Variants in ADGRB3 observed in about 807,000 individuals in gnomAD.
ADGRB3 encodes the protein brain-specific angiogenesis inhibitor 3.
In ADGRB3, 37 loss-of-function variants were observed where a neutral mutation model predicts 193.4. The ratio of observed to expected loss-of-function variants is 0.19; its 90% CI spans 0.15 to 0.25. The LOEUF (loss-of-function observed/expected upper bound fraction) is 0.25. Ranked by LOEUF, ADGRB3 falls within the 10% of genes least tolerant of loss-of-function variation. The pLI is 1.00. For synonymous variants in ADGRB3, 690 were observed against 644.2 expected, an observed-to-expected ratio of 1.07 and a Z score of -1.08; for missense variants, 1,637 against 1,852.9, an observed-to-expected ratio of 0.88 and a Z score of 2.14.
At chr6:69,250,028 A>G (rs1319082966) in intron 20 of ADGRB3, among the ~76,000 whole-genome samples, 2 of 152,220 alleles carry the variant, frequency 1.3e-5, no homozygotes, top group African/African-American at 4.8e-5. Flanking sequence ...CAGTAAACAC[A>G]TAAGCAGAAG....
At chr6:68,677,521 C>CTTTTTTTTTTTTTTTTTTT (rs1002070733) in intron 3 of ADGRB3, among the ~76,000 whole-genome samples, 24 of 120,324 alleles carry the variant, frequency 2.0e-4, no homozygotes, top group Non-Finnish European at 3.1e-4. Flanking sequence ...TTCTTTTTTT[C>CTTTTTTTTTTTTTTTTTTT]TTTTTTTTTT....
At chr6:69,254,702 T>C (rs2127268769) in intron 20 of ADGRB3, among the ~76,000 whole-genome samples, 1 of 152,002 alleles carries the variant, frequency 6.6e-6, no homozygotes, top group South Asian at 2.1e-4. Context: ...TATTTCTTTT[T>C]TTTTTCTTTT....
chr6:68,854,201 C>T (rs1324749026), intron 3 of ADGRB3, among the ~76,000 whole-genome samples: 1 of 152,120 alleles, frequency 6.6e-6, no homozygotes, highest in African/African-American at 2.4e-5. Context: ...CTCTGCAGTT[C>T]TCTGGCTATG....
At chr6:68,981,590 C>T (rs1768910511) in intron 10 of ADGRB3, among the ~76,000 whole-genome samples, 1 of 151,516 alleles carries the variant, frequency 6.6e-6, no homozygotes, top group Non-Finnish European at 1.5e-5. Context: ...ATAGTAAATA[C>T]TTTAGACTTT....
chr6:69,106,178 A>G (rs1217553551), intron 17 of ADGRB3, among the ~76,000 whole-genome samples: 1 of 149,546 alleles, frequency 6.7e-6, no homozygotes, highest in Non-Finnish European at 1.5e-5. Context: ...AAAAAAAAAA[A>G]AAAAAGAAAA....
intron 13 of ADGRB3, among the ~76,000 whole-genome samples, chr6:69,043,290 G>GAGAGAAAGAAGAAAGAAAGAA (rs1554252049): frequency 1.1e-5 from 1 of 88,032 alleles, no homozygotes; most frequent in Non-Finnish European, 2.3e-5. Flanking sequence ...GGAAGAAAGA[G>GAGAGAAAGAAGAAAGAAAGAA]AGAAAGAAAG....
intron 8 of ADGRB3, among the ~76,000 whole-genome samples, chr6:68,970,204 T>C (rs1768518418): frequency 6.6e-6 from 1 of 152,188 alleles, no homozygotes; most frequent in Admixed American, 6.5e-5. Flanking sequence ...CTCATCATAA[T>C]TGTACTCAAG....
intron 20 of ADGRB3, among the ~76,000 whole-genome samples, chr6:69,265,996 A>G (rs962375749): frequency 3.9e-5 from 6 of 152,062 alleles, no homozygotes; most frequent in Admixed American, 3.3e-4. Flanking sequence ...GAATTCTTTC[A>G]GAAAGTGTAT....
intron 17 of ADGRB3, among the ~76,000 whole-genome samples, chr6:69,102,008 T>G (rs1773071075): frequency 6.6e-6 from 1 of 151,900 alleles, no homozygotes; most frequent in African/African-American, 2.4e-5. Flanking sequence ...AAACCCCATC[T>G]CTACTAAAAA....
In ADGRB3 at chr6:68,938,440, G is replaced by GTATATA. The variant is rs59120080; in HGVS notation, c.1030+1786_1030+1791dup. On this transcript the variant is annotated intron_variant, in intron 5 of 31. Coordinates refer to ENST00000370598, the MANE Select transcript of ADGRB3 (RefSeq NM_001704.3). Reference sequence around the variant, plus strand: ...ATCTTGTATAACATGATATTTTGAGGTATATATATATATATATATATATAT... The same window carrying GTATATA: ...ATCTTGTATAACATGATATTTTGAGGTATATATATATATATATATATATATATATAT... 4.7e-3 allele frequency among the ~76,000 whole-genome samples: 678 copies of GTATATA among 144,660 alleles called. 3 individuals are homozygous for GTATATA. The highest frequency in any genetic ancestry group is 0.011 in the East Asian group (50 of 4,506). 94.9% of individuals were successfully genotyped at this position (144,660 alleles called of 152,430 possible).
At chr6:69,027,021 T>A (rs1414153605) in intron 13 of ADGRB3, among the ~76,000 whole-genome samples, 3 of 152,130 alleles carry the variant, frequency 2.0e-5, no homozygotes, top group African/African-American at 7.2e-5. Flanking sequence ...ATTAAAAAAA[T>A]ATTTTTCTCC....
intron 17 of ADGRB3, among the ~76,000 whole-genome samples, chr6:69,202,092 C>G (rs1024488016): frequency 2.0e-5 from 3 of 152,116 alleles, no homozygotes; most frequent in Admixed American, 6.6e-5. Context: ...TCTACAGAAC[C>G]AGAAGTTGAA....
intron 17 of ADGRB3, among the ~76,000 whole-genome samples, chr6:69,168,699 A>G (rs1214460044): frequency 1.3e-5 from 2 of 152,062 alleles, no homozygotes; most frequent in African/African-American, 4.8e-5. Flanking sequence ...TTGCAAACTA[A>G]AATTTCAATT....
At chr6:68,813,555 A>G (rs1427221083) in intron 3 of ADGRB3, among the ~76,000 whole-genome samples, 1 of 151,720 alleles carries the variant, frequency 6.6e-6, no homozygotes, top group Non-Finnish European at 1.5e-5. Flanking sequence ...CTTATTATGA[A>G]TAATGGAATG....
chr6:68,867,836 G>A (rs1179054212), intron 3 of ADGRB3, among the ~76,000 whole-genome samples: 1 of 152,152 alleles, frequency 6.6e-6, no homozygotes, highest in Non-Finnish European at 1.5e-5. Context: ...GGGGCCTGTA[G>A]ACCATTGCTT....
intron 11 of ADGRB3, among the ~76,000 whole-genome samples, chr6:68,998,077 G>A (rs773391426): frequency 2.6e-4 from 39 of 152,044 alleles, no homozygotes; most frequent in Admixed American, 7.2e-4. Flanking sequence ...ATTTTTAAAC[G>A]TTAGTACAAT....
At chr6:68,901,713 A>G (rs1327470934) in intron 3 of ADGRB3, among the ~76,000 whole-genome samples, 2 of 152,210 alleles carry the variant, frequency 1.3e-5, no homozygotes, top group Non-Finnish European at 2.9e-5. Context: ...TAAAATAGCT[A>G]TATATACTAC....
chr6:69,301,065 C>T (rs927163514), intron 20 of ADGRB3, among the ~76,000 whole-genome samples: 3 of 151,378 alleles, frequency 2.0e-5, no homozygotes, highest in South Asian at 2.1e-4. Flanking sequence ...ATAAACATAT[C>T]GGAAAAATTT....
chr6:69,000,352 A>G (rs1297284048), intron 11 of ADGRB3, among the ~76,000 whole-genome samples: 1 of 152,216 alleles, frequency 6.6e-6, no homozygotes, highest in African/African-American at 2.4e-5. Flanking sequence ...ATTTTCATCA[A>G]CCAATCAAAA....
Sources: gnomAD v4.1 joint callset for allele counts (sites outside exome capture counted in the v4.1 genomes callset) on GRCh38, gnomAD v4.1.1 for gene constraint, MANE v1.5 for transcripts, NCBI Gene and HGNC (gene_info 2026-07-23, HGNC 2026-07-21) for gene names.